The following PLK5 variants were observed in gnomAD, a reference collection of about 807,000 sequenced individuals.
PLK5 encodes polo like kinase 5 (inactive), also known as inactive serine/threonine-protein kinase PLK5.
A neutral mutation model predicts 33.7 loss-of-function variants in PLK5; 28 were observed. The observed-to-expected ratio is 0.83, with a 90% confidence interval of 0.62 to 1.14. PLK5 has a LOEUF of 1.14. PLK5 is among the 50% of genes most tolerant of loss of function. PLK5 has a pLI of 0.00. For synonymous variants in PLK5, 225 were observed against 202.2 expected, an observed-to-expected ratio of 1.11 and a Z score of -0.96; for missense variants, 492 against 461.5, an observed-to-expected ratio of 1.07 and a Z score of -0.61.
intron 8 of PLK5, 66 bp from the exon 9 acceptor site, chr19:1,528,832 G>C (rs1599304619): frequency 8.3e-7 from 1 of 1,209,008 alleles, no homozygotes; most frequent in Non-Finnish European, 1.1e-6. Flanking sequence ...GTGGGTGGCA[G>C]GTGCCCCCCT....
intron 12 of PLK5, among the ~76,000 whole-genome samples, chr19:1,533,371 G>T (rs181693511): frequency 4.6e-5 from 7 of 152,196 alleles, no homozygotes; most frequent in Non-Finnish European, 1.0e-4. Flanking sequence ...GATTATAGGT[G>T]TGAGCCACCG....
rs541342749 is a variant in PLK5, at chr19:1,535,662, C to G, written c.*412C>G. ...CTTTGGGAGGCCAAGGCAGGAGGAT[C>G]GCTTGGGCCCAGGAGTTTGAGACCA... On this transcript the variant is annotated 3_prime_UTR_variant, in exon 14 of 14. Transcript: ENST00000454744. 5.2e-6 allele frequency: 1 copy of G among 191,716 alleles called. No individual in the cohort carries two copies. Among genetic ancestry groups the G allele is most frequent in the Non-Finnish European group, 1.1e-5 (1 of 94,510 alleles). The allele number at this position is 191,716 out of a possible 1,614,324, so 11.9% of individuals were successfully genotyped here. A position where few individuals can be genotyped will look rare whatever the true frequency, so the allele number is the denominator to read the frequency against.
chr19:1,530,500 T>C (rs1055475166), intron 11 of PLK5, among the ~76,000 whole-genome samples: 4 of 151,770 alleles, frequency 2.6e-5, no homozygotes, highest in Non-Finnish European at 5.9e-5. Context: ...GGTTTCACCA[T>C]GTTGGCCAGG....
chr19:1,532,204 G>T (rs919448070), intron 12 of PLK5, among the ~76,000 whole-genome samples: 2 of 152,068 alleles, frequency 1.3e-5, no homozygotes, highest in African/African-American at 4.8e-5. Flanking sequence ...CCAGGAGATC[G>T]AGATCAGCCT....
At chr19:1,534,382 C>A (rs1424333596) in intron 13 of PLK5, among the ~76,000 whole-genome samples, 1 of 151,408 alleles carries the variant, frequency 6.6e-6, no homozygotes, top group Non-Finnish European at 1.5e-5. Flanking sequence ...TGGAGCCTTC[C>A]TGTAATCCCA....
At chr19:1,529,306 C>A (rs2145543566) in intron 9 of PLK5, 100 bp from the exon 10 acceptor site, 2 of 1,066,876 alleles carry the variant, frequency 1.9e-6, no homozygotes, top group Non-Finnish European at 2.7e-6. Flanking sequence ...GTGTGCAGAG[C>A]ACGGAGGGCA....
rs533404739 is a variant in PLK5 at position 1,531,984 on chromosome 19, A to C, written c.714+101A>C. ...TTAAGCACCTACTGTGCACACCTACAGGTGCTCCCTGCCTGGTCGGGGAGA... is the reference window on the plus strand; with the variant it reads ...TTAAGCACCTACTGTGCACACCTACCGGTGCTCCCTGCCTGGTCGGGGAGA... On this transcript the variant is annotated intron_variant, in intron 12 of 13. Coordinates refer to ENST00000454744, the MANE Select transcript of PLK5 (RefSeq NM_001243079.2). 3 of 1,279,966 alleles carry C rather than the reference A, an allele frequency of 2.3e-6. No individual in the cohort carries two copies. The South Asian group carries it at 5.3e-5, about 22-fold the overall frequency. 79.3% of individuals were successfully genotyped at this position (1,279,966 alleles called of 1,614,324 possible). A position where few individuals can be genotyped will look rare whatever the true frequency, so the allele number is the denominator to read the frequency against.
In PLK5 at chr19:1,526,518, C is replaced by A; in HGVS notation, c.-280C>A. 3.6e-6 allele frequency: 1 copy of A among 280,294 alleles called. No homozygotes were observed. The highest frequency in any genetic ancestry group is 2.9e-5 in the South Asian group (1 of 34,106). 17.4% of individuals were successfully genotyped at this position (280,294 alleles called of 1,614,324 possible). On this transcript the variant is annotated 5_prime_UTR_variant, in exon 4 of 14. Coordinates refer to ENST00000454744, the MANE Select transcript of PLK5 (RefSeq NM_001243079.2). ...CCCACGTGCTGAGGGCGCGGCAGAT[C>A]CTGACGGAGCCAGAAGTGCGCGACT...
intron 13 of PLK5, 83 bp downstream of exon 13, chr19:1,534,124 G>T (rs1419430182): frequency 1.8e-6 from 2 of 1,097,414 alleles, no homozygotes; most frequent in Non-Finnish European, 2.6e-6. Flanking sequence ...AGCAAGCTTT[G>T]GGGGAGCCTT....
rs773790116 is a variant in PLK5, at chr19:1,528,985, G to A, written c.405+11G>A. 2 of 1,496,874 alleles carry A rather than the reference G, an allele frequency of 1.3e-6. No individual in the cohort carries two copies. The highest frequency in any genetic ancestry group is 2.5e-5 in the East Asian group (1 of 40,150). The allele number at this position is 1,496,874 out of a possible 1,614,324, so 92.7% of individuals were successfully genotyped here. A position where few individuals can be genotyped will look rare whatever the true frequency, so the allele number is the denominator to read the frequency against. On this transcript the variant is annotated intron_variant, in intron 9 of 13. Coordinates refer to ENST00000454744, the MANE Select transcript of PLK5 (RefSeq NM_001243079.2). Reference sequence around the variant, plus strand: ...GAGTGGGACGGCGAGGTGAGACATCGGGGTGGGGGACACGGGGAGACACAG... The same window carrying A: ...GAGTGGGACGGCGAGGTGAGACATCAGGGTGGGGGACACGGGGAGACACAG...
chr19:1,531,864 G>A lies in PLK5; in HGVS notation c.695G>A (p.Gly232Asp), dbSNP rs529390345. The change falls in exon 12 of 14, where the codon GGC (glycine) becomes GAC (aspartate). Residue 232 changes from glycine (G) to aspartate (D), a missense_variant. Physicochemically the swap from Gly to Asp is moderately conservative, Grantham distance 94. Coordinates refer to ENST00000454744, the MANE Select transcript of PLK5 (RefSeq NM_001243079.2). ...DGGRTGRHPH[G>D]PATPRREGTL... ...GGGCGCACGGGACGGCACCCACATG[G>A]CCCTGCGACCCCCCGGAGGGTAAGT... 2 of 1,498,696 alleles carry A rather than the reference G, an allele frequency of 1.3e-6. No individual in the cohort carries two copies. The highest frequency in any genetic ancestry group is 2.6e-5 in the South Asian group (2 of 76,898). 92.8% of individuals were successfully genotyped at this position (1,498,696 alleles called of 1,614,324 possible).
intron 3 of PLK5, among the ~76,000 whole-genome samples, chr19:1,526,031 T>C (rs1323832768): frequency 6.6e-6 from 1 of 152,100 alleles, no homozygotes; most frequent in African/African-American, 2.4e-5. Flanking sequence ...CATGCCCACC[T>C]GTACCCACCA....
chr19:1,531,031 C>T (rs1424058975), intron 11 of PLK5, among the ~76,000 whole-genome samples: 1 of 151,820 alleles, frequency 6.6e-6, no homozygotes, highest in Non-Finnish European at 1.5e-5. Flanking sequence ...GTGGAGGCTG[C>T]AGTGAGCTGA....
intron 11 of PLK5, among the ~76,000 whole-genome samples, chr19:1,530,727 C>A (rs1458147208): frequency 6.8e-6 from 1 of 147,592 alleles, no homozygotes; most frequent in East Asian, 2.0e-4. Flanking sequence ...TCACGCCATT[C>A]TCCTGCCTCA....
chr19:1,531,912 G>C, intron 12 of PLK5, 29 bp downstream of exon 12: 1 of 1,431,050 alleles, frequency 7.0e-7, no homozygotes, highest in Non-Finnish European at 9.1e-7. Flanking sequence ...TGCCCTGGGG[G>C]ACCAGGCACT....
rs547473983 is a variant in PLK5, at chr19:1,526,823, C to T, written c.-95+32C>T. 1.2e-4 allele frequency: 95 copies of T among 793,044 alleles called. No homozygotes were observed. The African/African-American group carries it at 1.3e-3, about 11-fold the overall frequency. 49.1% of individuals were successfully genotyped at this position (793,044 alleles called of 1,614,324 possible). A position where few individuals can be genotyped will look rare whatever the true frequency, so the allele number is the denominator to read the frequency against. Reference sequence around the variant, plus strand: ...GCCGGGGGGAGGGCTCTGAGCAGTCCGTCCGGGTGGGCACGGCTGGCCCTG... The same window carrying T: ...GCCGGGGGGAGGGCTCTGAGCAGTCTGTCCGGGTGGGCACGGCTGGCCCTG... On this transcript the variant is annotated intron_variant, in intron 5 of 13. Coordinates refer to ENST00000454744, the MANE Select transcript of PLK5 (RefSeq NM_001243079.2).
intron 9 of PLK5, 34 bp from the exon 10 acceptor site, chr19:1,529,372 G>C: frequency 6.6e-7 from 1 of 1,518,284 alleles, no homozygotes; most frequent in Non-Finnish European, 8.8e-7. Flanking sequence ...GGCTGGGGCC[G>C]GGGCCACCCC....
In PLK5 at chr19:1,533,949, C is replaced by T; in HGVS notation, c.733C>T (p.Pro245Ser). 1 of 1,534,468 alleles carries T rather than the reference C, an allele frequency of 6.5e-7. No homozygotes were observed. The change falls in exon 13 of 14, where the codon CCT (proline) becomes TCT (serine). Residue 245 changes from proline (P) to serine (S), a missense_variant. Transcript: ENST00000454744. The part of the protein sequence containing the change: ...TPRREGTLPT[P>S]VPPAGPGLCL... The stretch of plus-strand genomic sequence containing the variant: ...TCCACAGGAGGGGACCCTCCCCACA[C>T]CTGTGCCACCTGCTGGACCCGGCCT...
Position 1,531,720 on chromosome 19 carries a change from A to G in PLK5, c.569-18A>G, listed in dbSNP as rs1913933728. Reference sequence around the variant, plus strand: ...TGACCCCTGACCCCTGGCTCAGCATACCTTTGTTTGTGCCCAGCCACACAG... The same window carrying G: ...TGACCCCTGACCCCTGGCTCAGCATGCCTTTGTTTGTGCCCAGCCACACAG... On this transcript the variant is annotated intron_variant, in intron 11 of 13. Coordinates refer to ENST00000454744, the MANE Select transcript of PLK5 (RefSeq NM_001243079.2). The G allele has an allele frequency of 6.5e-7, 1 of 1,536,282 alleles. No homozygotes were observed. Among genetic ancestry groups the G allele is most frequent in the East Asian group, 2.4e-5 (1 of 40,888 alleles).
Sources: allele counts gnomAD v4.1 joint callset (sites outside exome capture counted in the v4.1 genomes callset), GRCh38; gene constraint gnomAD v4.1.1; transcripts MANE v1.5; gene names NCBI Gene and HGNC (gene_info 2026-07-23, HGNC 2026-07-21).